The following DCAKD variants were observed in gnomAD, a reference collection of about 807,000 sequenced individuals.
The protein encoded by DCAKD is dephospho-CoA kinase domain containing, also known as dephospho-CoA kinase domain-containing protein.
A neutral mutation model predicts 18.7 loss-of-function variants in DCAKD; 15 were observed. The observed-to-expected ratio is 0.80, with a 90% CI of 0.54 to 1.24. DCAKD has a LOEUF of 1.24. Among genes scored for constraint, DCAKD ranks in the 50% most tolerant of loss-of-function variants. The pLI is 0.00. For synonymous variants in DCAKD, 130 were observed against 133.0 expected, an observed-to-expected ratio of 0.98 and a Z score of 0.16; for missense variants, 301 against 322.0, an observed-to-expected ratio of 0.93 and a Z score of 0.50.
intron 1 of DCAKD, among the ~76,000 whole-genome samples, chr17:45,048,005 CATG>C (rs1396099309): frequency 2.0e-5 from 3 of 152,112 alleles, no homozygotes; most frequent in Non-Finnish European, 4.4e-5. Context: ...ATTTAATACT[CATG>C]ATAACACAAT....
At chr17:45,026,569 C>T (rs904990704) in intron 4 of DCAKD, 1 of 972,622 alleles carries the variant, frequency 1.0e-6, no homozygotes, top group Non-Finnish European at 1.2e-6. Context: ...TGCTGTGTTG[C>T]CTACACTGGT....
At chr17:45,032,949 C>A (rs1165642838) in intron 3 of DCAKD, among the ~76,000 whole-genome samples, 1 of 152,188 alleles carries the variant, frequency 6.6e-6, no homozygotes, top group East Asian at 1.9e-4. Context: ...CAGCCTCTTG[C>A]CAGATCCCAA....
chr17:45,030,159 C>A lies in DCAKD; in HGVS notation c.337G>T (p.Asp113Tyr). 2 of 1,614,106 alleles carry A rather than the reference C, an allele frequency of 1.2e-6. No individual in the cohort carries two copies. Among genetic ancestry groups the A allele is most frequent in the Non-Finnish European group, 1.7e-6 (2 of 1,179,988 alleles). ...TTGGTCTCAAACAGCAGGGGGATAT[C>A]CAGAATCACGTAGCGGTATCCTGGG... The part of the protein sequence containing the change: ...FLRGYRYVIL[D>Y]IPLLFETKKL... Residue 113 changes from aspartate to tyrosine, a missense_variant, in exon 4 of 5, where the codon GAT becomes TAT. Asp to Tyr is a radical substitution (Grantham distance 160). Transcript: ENST00000651974.
intron 1 of DCAKD, among the ~76,000 whole-genome samples, chr17:45,043,414 A>T (rs1405972258): frequency 6.6e-6 from 1 of 152,162 alleles, no homozygotes; most frequent in African/African-American, 2.4e-5. Flanking sequence ...TGGGTTACTT[A>T]AGGGTGTATG....
At chr17:45,030,646 C>T (rs932691445) in intron 3 of DCAKD, among the ~76,000 whole-genome samples, 3 of 152,186 alleles carry the variant, frequency 2.0e-5, no homozygotes, top group African/African-American at 7.2e-5. Flanking sequence ...AACAAACAAA[C>T]AAAACACCCA....
intron 4 of DCAKD, among the ~76,000 whole-genome samples, chr17:45,027,326 C>CA (rs1392011412): frequency 6.6e-6 from 1 of 151,882 alleles, no homozygotes; most frequent in Admixed American, 6.6e-5. Context: ...AGCCCTGTCT[C>CA]AAAAAAAAGA....
intron 4 of DCAKD, among the ~76,000 whole-genome samples, chr17:45,029,796 G>T (rs1287793949): frequency 6.6e-6 from 1 of 152,144 alleles, no homozygotes; most frequent in Non-Finnish European, 1.5e-5. Context: ...AGGAGCCACT[G>T]AGTAACAGTG....
At chr17:45,051,677 AGGCGGGGCCGGGAGAGGTTGGACG>A (rs1567852069), upstream of DCAKD, 5 of 137,234 alleles carry the variant, frequency 3.6e-5, no homozygotes, top group East Asian at 2.4e-4. Flanking sequence ...TCCGGCCAGC[AGGCGGGGCCGGGAGAGGTTGGACG>A]GGCGGGGCCG....
chr17:45,053,305 T>G (rs1245452623), upstream of DCAKD, among the ~76,000 whole-genome samples: 1 of 149,374 alleles, frequency 6.7e-6, no homozygotes, highest in Non-Finnish European at 1.5e-5. Flanking sequence ...TTGCCCAGGC[T>G]GGGGTGCAGT....
At chr17:45,030,255 C>T in intron 3 of DCAKD, 76 bp from the exon 4 acceptor site, 5 of 1,366,088 alleles carry the variant, frequency 3.7e-6, no homozygotes, top group East Asian at 2.3e-5. Context: ...CTGGGCCCCA[C>T]CGTCCAGAGC....
rs1041997998 is a variant in DCAKD, at chr17:45,034,669, G to A, written c.112+105C>T. 12 of 1,250,508 alleles carry A rather than the reference G, an allele frequency of 9.6e-6. No homozygotes were observed. The Admixed American group carries it at 2.7e-4, about 28-fold the overall frequency. 77.5% of individuals were successfully genotyped at this position (1,250,508 alleles called of 1,614,324 possible). A position where few individuals can be genotyped will look rare whatever the true frequency, so the allele number is the denominator to read the frequency against. On this transcript the variant is annotated intron_variant, in intron 2 of 4. Coordinates refer to ENST00000651974, the MANE Select transcript of DCAKD (RefSeq NM_001288655.2). ...ACAGAAGTCAGACCAGGGTCAACAG[G>A]AGCCTTCCCCTCCTCTGAGACTTAT... is the stretch of plus-strand genomic sequence containing the variant.
At chr17:45,039,709 G>C (rs1194839636) in intron 1 of DCAKD, among the ~76,000 whole-genome samples, 4 of 152,196 alleles carry the variant, frequency 2.6e-5, no homozygotes, top group Non-Finnish European at 1.5e-5. Context: ...GAGTGAGAGG[G>C]GCTGGAGTTT....
rs573322653 is a variant in DCAKD, at chr17:45,043,740, C to T, written c.-115+7621G>A. Among the ~76,000 whole-genome samples, 4 of 152,272 alleles carry T rather than the reference C, an allele frequency of 2.6e-5. No individual in the cohort carries two copies. The East Asian group carries it at 5.8e-4, about 22-fold the overall frequency. The stretch of plus-strand genomic sequence containing the variant: ...CATTCTTTGGTCTCTCGGCTCCCTC[C>T]GGATTTGGGGGAATGTTTTTCTATA... On this transcript the variant is annotated intron_variant, in intron 1 of 4. Transcript: ENST00000651974.
chr17:45,032,602 G>C (rs1302533308), intron 3 of DCAKD, among the ~76,000 whole-genome samples: 1 of 151,928 alleles, frequency 6.6e-6, no homozygotes, highest in South Asian at 2.1e-4. Flanking sequence ...GGCCAATATA[G>C]TGAAACCCGA....
upstream of DCAKD, among the ~76,000 whole-genome samples, chr17:45,053,280 CAG>C (rs1373214342): frequency 7.7e-6 from 1 of 129,804 alleles, no homozygotes; most frequent in Non-Finnish European, 1.6e-5. Flanking sequence ...TTTGTTGAGA[CAG>C]AGTTTCGCTC....
At chr17:45,031,009 C>T (rs2053161916) in intron 3 of DCAKD, 2 of 985,286 alleles carry the variant, frequency 2.0e-6, no homozygotes, top group Admixed American at 6.2e-5. Context: ...GGTCAGTGAC[C>T]CCTGTGCATG....
At chr17:45,057,478 G>C (rs2053794271) in intron 1 of DCAKD, among the ~76,000 whole-genome samples, 1 of 151,940 alleles carries the variant, frequency 6.6e-6, no homozygotes, top group Non-Finnish European at 1.5e-5. Context: ...CGAGGCAGGC[G>C]GATTGCCTGA....
intron 4 of DCAKD, among the ~76,000 whole-genome samples, chr17:45,026,359 C>A (rs988155795): frequency 6.6e-6 from 1 of 151,648 alleles, no homozygotes; most frequent in African/African-American, 2.4e-5. Context: ...TCCCGAGTAA[C>A]TGGGACTATA....
intron 1 of DCAKD, among the ~76,000 whole-genome samples, chr17:45,044,219 C>A (rs77508492): frequency 2.0e-5 from 3 of 152,106 alleles, no homozygotes; most frequent in South Asian, 2.1e-4. Context: ...ACCACTCCCC[C>A]CTACATCACT....
Sources: gnomAD v4.1 joint callset for allele counts (sites outside exome capture counted in the v4.1 genomes callset) on GRCh38, gnomAD v4.1.1 for gene constraint, MANE v1.5 for transcripts, NCBI Gene and HGNC (gene_info 2026-07-23, HGNC 2026-07-21) for gene names.